ARHGAP36: variants seen among roughly 807,000 people sequenced by gnomAD.
The protein encoded by ARHGAP36 is rho GTPase-activating protein 36.
ARHGAP36 carries 7 observed loss-of-function variants against 32.9 expected under a neutral mutation model. The observed-to-expected ratio is 0.21, with a 90% CI of 0.12 to 0.40. ARHGAP36 has a LOEUF of 0.40. ARHGAP36 is among the 10% of genes least tolerant of loss of function. The pLI, the probability that ARHGAP36 is intolerant of heterozygous loss-of-function variation, is 1.00. For synonymous variants in ARHGAP36, 165 were observed against 168.3 expected (o/e 0.98, Z 0.15); for missense variants, 383 against 442.2 (o/e 0.87, Z 1.20).
rs1239208607 is a variant in ARHGAP36, at chrX:131,086,629, G to T, written c.1450G>T (p.Ala484Ser). The change falls in exon 11 of 12, where the codon GCT becomes TCT. Residue 484 changes from alanine (A) to serine (S), a missense_variant. This residue lies in a region of ARHGAP36 where 227 missense variants were observed against 311.3 expected (regional missense o/e 0.73). Transcript: ENST00000276211. ...DPVETSAEAR[A>S]AVLAQSKPSD... ...AGTGGAAACCTCTGCTGAAGCCCGG[G>T]CTGCTGTCCTTGCTCAAAGCAAGCC... 1.7e-6 allele frequency: 2 copies of T among 1,210,251 alleles called. No homozygotes were observed. Among genetic ancestry groups the T allele is most frequent in the African/African-American group, 3.5e-5 (2 of 57,224 alleles).
chrX:131,077,957 ACT>A (rs1169859356), intron 1 of ARHGAP36, among the ~76,000 whole-genome samples: 3 of 109,903 alleles, frequency 2.7e-5, no homozygotes, highest in African/African-American at 6.7e-5. Context: ...TAAATACTTG[ACT>A]CTGCTGAAAT....
chrX:131,075,888 T>A (rs758572762), intron 1 of ARHGAP36, among the ~76,000 whole-genome samples: 2 of 111,536 alleles, frequency 1.8e-5, no homozygotes, highest in South Asian at 7.6e-4. Flanking sequence ...CCAGATCATA[T>A]TCCTCCATGG....
At chrX:131,080,104 C>T (rs982899907) in intron 1 of ARHGAP36, among the ~76,000 whole-genome samples, 1 of 111,934 alleles carries the variant, frequency 8.9e-6, no homozygotes, top group Non-Finnish European at 1.9e-5. Context: ...GGAAAAAGTC[C>T]GACTCTTTAA....
chrX:131,080,488 T>C (rs1256656023), intron 1 of ARHGAP36, among the ~76,000 whole-genome samples: 1 of 112,309 alleles, frequency 8.9e-6, no homozygotes, highest in Non-Finnish European at 1.9e-5. Flanking sequence ...CAGGTTTTTG[T>C]TTTAATGAAT....
intron 1 of ARHGAP36, among the ~76,000 whole-genome samples, chrX:131,067,892 T>C (rs758059182): frequency 9.0e-6 from 1 of 111,222 alleles, no homozygotes; most frequent in Non-Finnish European, 1.9e-5. Context: ...AAACCCACAT[T>C]GACACACTGC....
chrX:131,084,303 T>C lies in ARHGAP36; in HGVS notation c.644T>C (p.Ile215Thr), dbSNP rs1025193472. The C allele has an allele frequency of 8.3e-6, 10 of 1,210,277 alleles. No homozygotes were observed. The Middle Eastern group carries it at 6.9e-4, about 83-fold the overall frequency. Residue 215 changes from isoleucine (I) to threonine (T), a missense_variant, in exon 5 of 12, where the codon ATT becomes ACT. Physicochemically the swap from Ile to Thr is moderately conservative, Grantham distance 89 (BLOSUM62 -1). This residue lies in a region of ARHGAP36 where 227 missense variants were observed against 311.3 expected (regional missense o/e 0.73). Transcript: ENST00000276211. The part of the protein sequence containing the change: ...TLQLSKISFP[I>T]GQRLLGSKRK... Reference sequence around the variant, plus strand: ...CAGCTTTCAAAAATTTCCTTTCCAATTGGCCAACGACTTCTGGGATCCAAA... The same window carrying C: ...CAGCTTTCAAAAATTTCCTTTCCAACTGGCCAACGACTTCTGGGATCCAAA...
intron 1 of ARHGAP36, among the ~76,000 whole-genome samples, chrX:131,060,877 C>T (rs1025031386): frequency 9.8e-5 from 11 of 112,575 alleles, no homozygotes; most frequent in African/African-American, 3.2e-4. Context: ...GACTGGGCAA[C>T]AGCTCATTTC....
chrX:131,080,853 CATT>C (rs2079792868), intron 1 of ARHGAP36, among the ~76,000 whole-genome samples: 1 of 111,746 alleles, frequency 8.9e-6, no homozygotes, highest in Non-Finnish European at 1.9e-5. Context: ...ATGCTGTTAG[CATT>C]TGGGTGCATT....
intron 1 of ARHGAP36, among the ~76,000 whole-genome samples, chrX:131,063,729 C>A (rs1010760443): frequency 1.8e-5 from 2 of 108,514 alleles, no homozygotes; most frequent in Non-Finnish European, 3.8e-5. Context: ...CACCCCTCCC[C>A]CGCCCCCAAT....
At chrX:131,060,757 T>C (rs887652933) in intron 1 of ARHGAP36, among the ~76,000 whole-genome samples, 1 of 112,333 alleles carries the variant, frequency 8.9e-6, no homozygotes, top group Non-Finnish European at 1.9e-5. Flanking sequence ...AGCTGATATA[T>C]GTGAAGCTCT....
chrX:131,083,262 G>A, intron 3 of ARHGAP36, 32 bp downstream of exon 3: 2 of 1,173,319 alleles, frequency 1.7e-6, no homozygotes, highest in Admixed American at 4.5e-5. Context: ...CTTTAGAAAA[G>A]AAATAGAATG....
intron 1 of ARHGAP36, among the ~76,000 whole-genome samples, chrX:131,072,301 G>A (rs190577923): frequency 8.9e-6 from 1 of 112,081 alleles, no homozygotes; most frequent in Admixed American, 9.4e-5. Flanking sequence ...TTTTATCTCT[G>A]AGTTTGGAAG....
At chrX:131,077,938 TG>T (rs781024664) in intron 1 of ARHGAP36, among the ~76,000 whole-genome samples, 71 of 109,095 alleles carry the variant, frequency 6.5e-4, no homozygotes, top group Admixed American at 2.2e-3. Context: ...TTTTATAAAA[TG>T]TTTTTTTTAA....
At chrX:131,081,444 T>G in intron 1 of ARHGAP36, 80 bp from the exon 2 acceptor site, 1 of 793,064 alleles carries the variant, frequency 1.3e-6, no homozygotes, top group African/African-American at 2.1e-5. Flanking sequence ...GTACTTTTTT[T>G]TTCTAATTAG....
intron 1 of ARHGAP36, 88 bp downstream of exon 1, chrX:131,058,532 G>A: frequency 2.4e-6 from 2 of 833,264 alleles, no homozygotes; most frequent in Non-Finnish European, 3.1e-6. Flanking sequence ...CCTGGGGCTT[G>A]GCTGGTCGCC....
At position 131,081,693 on chromosome X, in the gene ARHGAP36, G is replaced by C; in HGVS notation, c.28G>C (p.Ala10Pro). MGGCIPFLK[A>P]ARALCPRIMP... ...GGGTGGCTGCATTCCTTTTCTGAAG[G>C]CAGCAAGGGCACTGTGCCCCAGAAT... The change falls in exon 2 of 12, where the codon GCA (alanine) becomes CCA (proline). Residue 10 changes from alanine to proline, a missense_variant. By Grantham distance (27) the Ala-to-Pro change is conservative. Around this residue, in one of 2 missense-constraint regions of ARHGAP36, gnomAD observed 156 missense variants for 131.0 expected, o/e 1.19. Transcript: ENST00000276211. The C allele has an allele frequency of 8.3e-7, 1 of 1,210,751 alleles. No individual in the cohort carries two copies. The highest frequency in any genetic ancestry group is 1.7e-5 in the African/African-American group (1 of 57,458).
At chrX:131,081,331 T>G (rs1341307220) in intron 1 of ARHGAP36, among the ~76,000 whole-genome samples, 193 bp from the exon 2 acceptor site, 1 of 111,215 alleles carries the variant, frequency 9.0e-6, no homozygotes, top group Non-Finnish European at 1.9e-5. Context: ...CTCTAATTAA[T>G]TAACTAATTA....
chrX:131,075,602 C>CAT (rs1234012074), intron 1 of ARHGAP36, among the ~76,000 whole-genome samples: 1 of 82,325 alleles, frequency 1.2e-5, no homozygotes, highest in South Asian at 7.5e-4. Flanking sequence ...CACACACACG[C>CAT]ATATATATGT....
At position 131,083,866 on chromosome X, in the gene ARHGAP36, G is replaced by A; in HGVS notation, c.452G>A (p.Arg151Gln). The A allele has an allele frequency of 8.2e-7, 1 of 1,212,232 alleles. No individual in the cohort carries two copies. The highest frequency in any genetic ancestry group is 1.1e-6 in the Non-Finnish European group (1 of 895,641). The change falls in exon 4 of 12, where the codon CGG (arginine) becomes CAG (glutamine). Residue 151 changes from arginine to glutamine, a missense_variant. By Grantham distance (43) the Arg-to-Gln change is conservative (BLOSUM62 1). Transcript: ENST00000276211. The stretch of plus-strand genomic sequence containing the variant: ...ACCGGTCAGGCTGCGGGCCGTCGTC[G>A]GGGAAACGTGGTGCGAAGGGTGTTT... ...EATGQAAGRR[R>Q]GNVVRRVFGR...
Sources: gnomAD v4.1 joint callset for allele counts (sites outside exome capture counted in the v4.1 genomes callset) on GRCh38, gnomAD v4.1.1 for gene constraint, gnomAD v4.1.1 regional missense constraint, MANE v1.5 for transcripts, NCBI Gene and HGNC (gene_info 2026-07-23, HGNC 2026-07-21) for gene names.